The following SPTLC1 variants were observed in gnomAD, a reference collection of about 807,000 sequenced individuals.
SPTLC1 encodes serine palmitoyltransferase long chain base subunit 1.
SPTLC1 carries 55 observed loss-of-function variants against 68.9 expected under a neutral mutation model. The observed-to-expected ratio is 0.80, with a 90% CI of 0.64 to 1.00. The LOEUF is 1.00. Among genes scored for constraint, SPTLC1 ranks in the 50% least tolerant of loss-of-function variants. SPTLC1 has a pLI of 0.00. For missense variants in SPTLC1, 449 were observed against 573.1 expected, an observed-to-expected ratio of 0.78 and a Z score of 2.21; for synonymous variants, 197 against 201.6, an observed-to-expected ratio of 0.98 and a Z score of 0.19.
chr9:92,090,821 G>A (rs528195464), intron 3 of SPTLC1, among the ~76,000 whole-genome samples: 332 of 152,160 alleles, frequency 2.2e-3, no homozygotes, highest in Non-Finnish European at 3.6e-3. Flanking sequence ...CAGCATTGCC[G>A]TAACCAAGCT....
chr9:92,097,305 T>C (rs772347400), intron 3 of SPTLC1, among the ~76,000 whole-genome samples: 1 of 152,234 alleles, frequency 6.6e-6, no homozygotes, highest in Non-Finnish European at 1.5e-5. Context: ...ACAGCAATCC[T>C]ACTCCTAGGT....
chr9:92,047,524 G>T, intron 10 of SPTLC1, 89 bp downstream of exon 10: 1 of 875,776 alleles, frequency 1.1e-6, no homozygotes, highest in Non-Finnish European at 1.9e-6. Flanking sequence ...GATAAACTAA[G>T]TAAAATTTCG....
intron 3 of SPTLC1, among the ~76,000 whole-genome samples, chr9:92,094,938 T>G (rs1219999908): frequency 6.6e-6 from 1 of 152,188 alleles, no homozygotes; most frequent in African/African-American, 2.4e-5. Flanking sequence ...TGGCTGACAA[T>G]GACTCATCAG....
intron 1 of SPTLC1, 129 bp downstream of exon 1, chr9:92,115,185 G>T: frequency 1.2e-6 from 1 of 823,160 alleles, no homozygotes; most frequent in South Asian, 1.4e-5. Flanking sequence ...AGTCCTTCCA[G>T]CAAGAGGCAC....
Position 92,047,626 on chromosome 9 carries a change from A to T in SPTLC1, c.971T>A (p.Val324Glu). Residue 324 changes from valine (V) to glutamate (E), a missense_variant, in exon 10 of 15, where the codon GTA (valine) becomes GAA (glutamate). Val to Glu is a moderately radical substitution (Grantham distance 121). Transcript: ENST00000262554. The stretch of plus-strand genomic sequence containing the variant: ...AAAAGAACCCACCTGATGGTCAATT[A>T]CAAAAGACCTGCCACAGCAGAAACC... ...IGGFCCGRSF[V>E]IDHQRLSGQG... 1 of 1,612,384 alleles carries T rather than the reference A, an allele frequency of 6.2e-7. No individual in the cohort carries two copies. The highest frequency in any genetic ancestry group is 8.5e-7 in the Non-Finnish European group (1 of 1,178,498).
At chr9:92,050,999 G>A in intron 8 of SPTLC1, 1 of 984,922 alleles carries the variant, frequency 1.0e-6, no homozygotes. Flanking sequence ...CTACACTTGA[G>A]CTGTTCCTAC....
chr9:92,049,348 C>T (rs1405254595), intron 9 of SPTLC1, among the ~76,000 whole-genome samples: 2 of 152,126 alleles, frequency 1.3e-5, no homozygotes, highest in Non-Finnish European at 2.9e-5. Context: ...TTCCTCTGCC[C>T]TGAGGCTCCA....
At chr9:92,049,914 A>T in intron 9 of SPTLC1, 46 bp downstream of exon 9, 3 of 1,197,018 alleles carry the variant, frequency 2.5e-6, no homozygotes, top group Non-Finnish European at 3.7e-6. Flanking sequence ...ATGGAACTAC[A>T]TGTCTCCTAT....
intron 3 of SPTLC1, among the ~76,000 whole-genome samples, chr9:92,106,863 T>C (rs1370287351): frequency 6.6e-6 from 1 of 152,060 alleles, no homozygotes; most frequent in Admixed American, 6.5e-5. Context: ...CCAGCCTCCC[T>C]TCAGAAGGGA....
chr9:92,056,235 C>T (rs1040537027), intron 7 of SPTLC1, among the ~76,000 whole-genome samples: 6 of 152,030 alleles, frequency 3.9e-5, no homozygotes, highest in Non-Finnish European at 7.4e-5. Context: ...AGAGAGGTCT[C>T]CTTTTCTTTT....
chr9:92,034,906 T>G, intron 13 of SPTLC1, 23 bp from the exon 14 acceptor site: 23 of 1,600,682 alleles, frequency 1.4e-5, no homozygotes, highest in Non-Finnish European at 2.0e-5. Flanking sequence ...AAAGAAGACA[T>G]CTGCAACCTG....
chr9:92,084,461 A>G (rs1416596325), intron 3 of SPTLC1, among the ~76,000 whole-genome samples: 3 of 152,204 alleles, frequency 2.0e-5, no homozygotes, highest in Non-Finnish European at 4.4e-5. Flanking sequence ...AGGTTGTTGA[A>G]TTTTGTCAAA....
rs142955535 is a variant in SPTLC1 at position 92,046,060 on chromosome 9, G to T, written c.1082-7C>A. 98 of 1,610,490 alleles carry T rather than the reference G, an allele frequency of 6.1e-5. No individual in the cohort carries two copies. The African/African-American group carries it at 1.1e-3, about 18-fold the overall frequency. On this transcript the variant is annotated splice_region_variant and splice_polypyrimidine_tract_variant and intron_variant, in intron 11 of 14. Transcript: ENST00000262554. ...TTCAACACTGCAAAAATACCTAGAT[G>T]AAAAAAATACGTTTGAGAGTCTATT...
At chr9:92,069,608 G>A (rs1468416782) in intron 5 of SPTLC1, among the ~76,000 whole-genome samples, 2 of 152,192 alleles carry the variant, frequency 1.3e-5, no homozygotes, top group Non-Finnish European at 1.5e-5. Context: ...TAGCAAGAAA[G>A]AGGAAAACAG....
chr9:92,044,298 A>G (rs1280435359), intron 12 of SPTLC1, among the ~76,000 whole-genome samples: 1 of 152,260 alleles, frequency 6.6e-6, no homozygotes. Context: ...CCTTCAGAGG[A>G]GACCGAGATG....
At chr9:92,083,915 C>G (rs867283987) in intron 3 of SPTLC1, among the ~76,000 whole-genome samples, 109 of 152,172 alleles carry the variant, frequency 7.2e-4, no homozygotes, top group Middle Eastern at 3.4e-3. Context: ...CTTTTATTTC[C>G]TTGAGCAGTG....
chr9:92,104,387 T>G (rs1398708513), intron 3 of SPTLC1: 3 of 1,401,206 alleles, frequency 2.1e-6, no homozygotes, highest in African/African-American at 2.9e-5. Flanking sequence ...CAGCGACATC[T>G]TGGGCCTTCT....
chr9:92,091,290 G>A (rs112214748), intron 3 of SPTLC1, among the ~76,000 whole-genome samples: 3,504 of 152,204 alleles, frequency 0.023, 58 homozygotes, highest in Non-Finnish European at 0.037. Flanking sequence ...CCCTGTAAGG[G>A]GTCAAGTGTA....
chr9:92,092,743 C>A (rs572156177), intron 3 of SPTLC1, among the ~76,000 whole-genome samples: 1 of 151,800 alleles, frequency 6.6e-6, no homozygotes, highest in African/African-American at 2.4e-5. Flanking sequence ...TCCCTCCCCC[C>A]AAAAAAAGTA....
Sources: allele counts gnomAD v4.1 joint callset (sites outside exome capture counted in the v4.1 genomes callset), GRCh38; gene constraint gnomAD v4.1.1; transcripts MANE v1.5; gene names NCBI Gene and HGNC (gene_info 2026-07-23, HGNC 2026-07-21).